The following PLA2G7 variants were observed in gnomAD, a reference collection of about 807,000 sequenced individuals.
The protein encoded by PLA2G7 is platelet-activating factor acetylhydrolase.
PLA2G7 carries 63 observed loss-of-function variants against 49.6 expected under a neutral mutation model. That is an observed-to-expected ratio of 1.27 (90% CI 1.04 to 1.57). PLA2G7 has a LOEUF of 1.57. Ranked by LOEUF, PLA2G7 falls within the 40% of genes most tolerant of loss-of-function variation. The pLI is 0.00. For synonymous variants in PLA2G7, 193 were observed against 169.9 expected (o/e 1.14, Z -1.06); for missense variants, 596 against 521.2 (o/e 1.14, Z -1.40).
chr6:46,734,862 G>A lies in PLA2G7; in HGVS notation c.-35+318C>T, dbSNP rs370504734. On this transcript the variant is annotated intron_variant, in intron 1 of 11. Transcript: ENST00000274793. Reference sequence around the variant, plus strand: ...GGAACGAAAGAAAGAGAGAGAGAGAGAAAAAAAAGAAAAGAAAACTCCATG... The same window carrying A: ...GGAACGAAAGAAAGAGAGAGAGAGAAAAAAAAAAGAAAAGAAAACTCCATG... Among the ~76,000 whole-genome samples the A allele has an allele frequency of 1.8e-3, 277 of 151,584 alleles. 2 individuals are homozygous for A. The highest frequency in any genetic ancestry group is 4.3e-3 in the African/African-American group (177 of 41,316).
intron 4 of PLA2G7, among the ~76,000 whole-genome samples, chr6:46,715,354 A>G (rs1027934013): frequency 6.6e-6 from 1 of 152,214 alleles, no homozygotes; most frequent in Admixed American, 6.5e-5. Flanking sequence ...CTTCCTAACT[A>G]TGGATCTTGG....
intron 10 of PLA2G7, among the ~76,000 whole-genome samples, chr6:46,707,728 A>C (rs1280541338): frequency 2.0e-5 from 3 of 152,196 alleles, no homozygotes; most frequent in Non-Finnish European, 4.4e-5. Context: ...TTTTCTTTAT[A>C]AATTACCCAG....
intron 10 of PLA2G7, among the ~76,000 whole-genome samples, chr6:46,705,509 GA>G (rs1419724229): frequency 6.6e-6 from 1 of 152,112 alleles, no homozygotes; most frequent in Non-Finnish European, 1.5e-5. Context: ...CTTCCCTCTA[GA>G]AATACAACTC....
rs200903950 is a variant in PLA2G7, at chr6:46,710,531, T to C, written c.777+14A>G. 18 of 1,494,404 alleles carry C rather than the reference T, an allele frequency of 1.2e-5. No individual in the cohort carries two copies. The highest frequency in any genetic ancestry group is 1.5e-5 in the Non-Finnish European group (16 of 1,071,140). 92.6% of individuals were successfully genotyped at this position (1,494,404 alleles called of 1,614,324 possible). On this transcript the variant is annotated intron_variant, in intron 8 of 11. Coordinates refer to ENST00000274793, the MANE Select transcript of PLA2G7 (RefSeq NM_005084.4). ...AACTGTAGGACAAGAGAAAAATTAC[T>C]TTTTATAGCTTACCTTCAGTTGTTC...
intron 1 of PLA2G7, among the ~76,000 whole-genome samples, chr6:46,733,713 C>T (rs1210072779): frequency 6.6e-6 from 1 of 152,254 alleles, no homozygotes; most frequent in African/African-American, 2.4e-5. Flanking sequence ...GTGATGGAGG[C>T]TCACCAGTGC....
rs866437639 is a variant in PLA2G7, at chr6:46,716,441, GA to G, written c.318del (p.Ser108AlafsTer14). 3 of 1,613,824 alleles carry G rather than the reference GA, an allele frequency of 1.9e-6. No homozygotes were observed. The highest frequency in any genetic ancestry group is 2.5e-6 in the Non-Finnish European group (3 of 1,179,922). On this transcript the variant is annotated frameshift_variant, in exon 4 of 12. Coordinates refer to ENST00000274793, the MANE Select transcript of PLA2G7 (RefSeq NM_005084.4). LOFTEE classifies it high-confidence loss of function. ...LWIPNKEYFWGLSKFLGTHWL... is the reference protein window; with the variant it reads ...LWIPNKEYFWXLSKFLGTHWL... ...CAGTGTGTTCCAAGAAATTTGCTAA[GA>G]CCCCAAAAATATTCTTTATTTGGGA... is the stretch of plus-strand genomic sequence containing the variant.
chr6:46,708,549 A>T (rs1449612550), intron 9 of PLA2G7, among the ~76,000 whole-genome samples: 1 of 152,182 alleles, frequency 6.6e-6, no homozygotes, highest in Admixed American at 6.5e-5. Flanking sequence ...TATTTATTAT[A>T]GCTTTATTAG....
At chr6:46,721,489 A>T (rs568911498) in intron 2 of PLA2G7, among the ~76,000 whole-genome samples, 26 of 152,172 alleles carry the variant, frequency 1.7e-4, no homozygotes, top group Middle Eastern at 3.4e-3. Flanking sequence ...AAGGGATTTT[A>T]AAAATGTTTA....
At chr6:46,716,626 T>C in intron 3 of PLA2G7, 98 bp from the exon 4 acceptor site, 1 of 1,237,104 alleles carries the variant, frequency 8.1e-7, no homozygotes, top group Non-Finnish European at 1.2e-6. Context: ...CTCAAATACC[T>C]CTGTGTTCAC....
intron 6 of PLA2G7, 41 bp downstream of exon 6, chr6:46,712,228 C>A: frequency 8.3e-7 from 1 of 1,208,634 alleles, no homozygotes; most frequent in South Asian, 1.2e-5. Flanking sequence ...TTGACATTCC[C>A]TGTAGTTGGC....
At chr6:46,716,942 T>C (rs1765222875) in intron 3 of PLA2G7, 33 bp downstream of exon 3, 1 of 1,602,462 alleles carries the variant, frequency 6.2e-7, no homozygotes, top group African/African-American at 1.3e-5. Context: ...AATATTAGAG[T>C]ATCAGGATAA....
chr6:46,706,933 A>T (rs1764849177), intron 10 of PLA2G7, among the ~76,000 whole-genome samples: 1 of 151,946 alleles, frequency 6.6e-6, no homozygotes, highest in South Asian at 2.1e-4. Flanking sequence ...GTTGGAAGAG[A>T]CCCCTCTATT....
rs145638062 is a variant in PLA2G7, at chr6:46,714,536, C to A, written c.394G>T (p.Ala132Ser). Residue 132 changes from alanine to serine, a missense_variant, in exon 5 of 12, where the codon GCA (alanine) becomes TCA (serine). Physicochemically the swap from Ala to Ser is moderately conservative, Grantham distance 99. Coordinates refer to ENST00000274793, the MANE Select transcript of PLA2G7 (RefSeq NM_005084.4). ...RLLFGSMTTPANWNSPLRPGE... is the reference protein window; with the variant it reads ...RLLFGSMTTPSNWNSPLRPGE... ...GGCCTCAGAGGGGAATTCCAGTTTGCAGGAGTTGTCATTGAACCTAGACAA... is the reference window on the plus strand; with the variant it reads ...GGCCTCAGAGGGGAATTCCAGTTTGAAGGAGTTGTCATTGAACCTAGACAA... 1.6e-5 allele frequency: 26 copies of A among 1,607,124 alleles called. No individual in the cohort carries two copies. The African/African-American group carries it at 3.2e-4, about 20-fold the overall frequency.
At chr6:46,716,638 A>C in intron 3 of PLA2G7, 110 bp from the exon 4 acceptor site, 1 of 1,118,084 alleles carries the variant, frequency 8.9e-7, no homozygotes. Context: ...TGTGTTCACA[A>C]AAAGGTCTAA....
intron 1 of PLA2G7, among the ~76,000 whole-genome samples, chr6:46,727,432 A>G (rs1307506705): frequency 1.3e-5 from 2 of 152,246 alleles, no homozygotes; most frequent in South Asian, 4.1e-4. Flanking sequence ...GTAAAGAGTC[A>G]GAAAAGAAAA....
At chr6:46,734,686 GAT>G (rs1765861241) in intron 1 of PLA2G7, among the ~76,000 whole-genome samples, 1 of 151,910 alleles carries the variant, frequency 6.6e-6, no homozygotes, top group South Asian at 2.1e-4. Context: ...AGCCGAGCGT[GAT>G]ACGGCACGCC....
At position 46,716,478 on chromosome 6, in the gene PLA2G7, G is replaced by T. The variant is rs202100699; in HGVS notation, c.282C>A (p.Asp94Glu). The T allele has an allele frequency of 6.2e-7, 1 of 1,613,896 alleles. No individual in the cohort carries two copies. The highest frequency in any genetic ancestry group is 8.5e-7 in the Non-Finnish European group (1 of 1,179,780). The change falls in exon 4 of 12, where the codon GAC (aspartate) becomes GAA (glutamate). Residue 94 changes from aspartate to glutamate, a missense_variant. Transcript: ENST00000274793. ...YYPSQDNDRL[D>E]TLWIPNKEYF... ...ATTCTTTATTTGGGATCCAAAGGGTGTCAAGGCGATCATTATCTTGGGATG... is the reference window on the plus strand; with the variant it reads ...ATTCTTTATTTGGGATCCAAAGGGTTTCAAGGCGATCATTATCTTGGGATG...
rs566280137 is a variant in PLA2G7, at chr6:46,711,411, C to T, written c.663+85G>A. The stretch of plus-strand genomic sequence containing the variant: ...ATAGGAGAGCTAGGAGCATAACTTG[C>T]CAGGTGTAAAATTAAATTAACAAAT... On this transcript the variant is annotated intron_variant, in intron 7 of 11. Transcript: ENST00000274793. 3.5e-6 allele frequency: 5 copies of T among 1,444,470 alleles called. No individual in the cohort carries two copies. The African/African-American group carries it at 7.0e-5, about 20-fold the overall frequency. The allele number at this position is 1,444,470 out of a possible 1,614,324, so 89.5% of individuals were successfully genotyped here. A position where few individuals can be genotyped will look rare whatever the true frequency, so the allele number is the denominator to read the frequency against.
intron 1 of PLA2G7, among the ~76,000 whole-genome samples, chr6:46,725,927 C>A (rs557478452): frequency 1.5e-4 from 23 of 152,248 alleles, no homozygotes; most frequent in African/African-American, 5.1e-4. Flanking sequence ...TCACAAGGAG[C>A]CTTCAGAATG....
Sources: gnomAD v4.1 joint callset for allele counts (sites outside exome capture counted in the v4.1 genomes callset) on GRCh38, gnomAD v4.1.1 for gene constraint, MANE v1.5 for transcripts, NCBI Gene and HGNC (gene_info 2026-07-23, HGNC 2026-07-21) for gene names.